Variants in RORB observed in about 807,000 individuals in gnomAD.
RORB encodes nuclear receptor ROR-beta.
In RORB, 6 loss-of-function variants were observed where a neutral mutation model predicts 59.1. That is an observed-to-expected ratio of 0.10 (90% CI 0.06 to 0.20). RORB has a LOEUF of 0.20. Among genes scored for constraint, RORB ranks in the 10% least tolerant of loss-of-function variants. The probability of loss-of-function intolerance (pLI) is 1.00; values close to 1 mark genes in which losing one functional copy is unlikely to be tolerated. For synonymous variants in RORB, 215 were observed against 204.5 expected, an observed-to-expected ratio of 1.05 and a Z score of -0.44; for missense variants, 320 against 560.5, an observed-to-expected ratio of 0.57 and a Z score of 4.33.
At chr9:74,633,238 A>C (rs1039857114) in intron 2 of RORB, among the ~76,000 whole-genome samples, 6 of 152,210 alleles carry the variant, frequency 3.9e-5, no homozygotes, top group Non-Finnish European at 5.9e-5. Context: ...CTAATTACAA[A>C]AATTTTAGGC....
intron 1 of RORB, among the ~76,000 whole-genome samples, chr9:74,579,305 A>T (rs559019218): frequency 6.6e-5 from 10 of 152,268 alleles, no homozygotes; most frequent in Admixed American, 2.0e-4. Flanking sequence ...CAATTAATTA[A>T]TTAAACACAT....
At chr9:74,637,235 C>A (rs1206869722) in intron 3 of RORB, among the ~76,000 whole-genome samples, 3 of 152,190 alleles carry the variant, frequency 2.0e-5, no homozygotes, top group Non-Finnish European at 4.4e-5. Flanking sequence ...TGCATTTGCT[C>A]TCTGTCAATT....
intron 1 of RORB, among the ~76,000 whole-genome samples, chr9:74,561,237 A>G (rs1822392969): frequency 6.6e-6 from 1 of 152,156 alleles, no homozygotes; most frequent in African/African-American, 2.4e-5. Context: ...TCATTAAATA[A>G]TCATCGCTGC....
At chr9:74,551,437 G>A (rs901823785) in intron 1 of RORB, among the ~76,000 whole-genome samples, 2 of 152,170 alleles carry the variant, frequency 1.3e-5, no homozygotes, top group African/African-American at 4.8e-5. Flanking sequence ...TAAGGGGAGG[G>A]CATCAACAGC....
intron 1 of RORB, among the ~76,000 whole-genome samples, chr9:74,607,560 A>T (rs536889019): frequency 1.3e-5 from 2 of 151,876 alleles, no homozygotes; most frequent in African/African-American, 4.8e-5. Context: ...GGAAAGATAC[A>T]TTTCATATAG....
At chr9:74,611,909 C>G (rs1013948941) in intron 1 of RORB, among the ~76,000 whole-genome samples, 5 of 152,122 alleles carry the variant, frequency 3.3e-5, no homozygotes, top group Non-Finnish European at 7.3e-5. Context: ...CTCGGCCTCC[C>G]AAAGTGCTGG....
At chr9:74,530,641 T>C (rs1243559031) in intron 1 of RORB, among the ~76,000 whole-genome samples, 4 of 151,980 alleles carry the variant, frequency 2.6e-5, no homozygotes, top group African/African-American at 7.2e-5. Flanking sequence ...ATTAAGAACA[T>C]TGATCCTTCC....
chr9:74,537,116 T>G (rs903228060), intron 1 of RORB, among the ~76,000 whole-genome samples: 2 of 152,078 alleles, frequency 1.3e-5, no homozygotes, highest in Non-Finnish European at 2.9e-5. Context: ...AGAGCCAAGC[T>G]GAAAACAGAG....
At chr9:74,574,930 T>A (rs927887134) in intron 1 of RORB, among the ~76,000 whole-genome samples, 2 of 152,076 alleles carry the variant, frequency 1.3e-5, no homozygotes, top group Non-Finnish European at 1.5e-5. Context: ...AGTGGTAAGC[T>A]AAGCGTATAT....
rs11791446 is a variant in RORB, at chr9:74,649,247, G to T, written c.637+6432G>T. 3.3e-5 allele frequency among the ~76,000 whole-genome samples: 5 copies of T among 152,150 alleles called. 1 individual carries two copies. The East Asian group carries it at 9.7e-4, about 29-fold the overall frequency. On this transcript the variant is annotated intron_variant, in intron 4 of 9. Coordinates refer to ENST00000376896, the MANE Select transcript of RORB (RefSeq NM_006914.4). ...ATTACAGGCATGAGCCACCATGCCC[G>T]GCAGAAGATATTCTTGACTACTGAG...
rs558785522 is a variant in RORB, at chr9:74,571,143, C to G, written c.8-59139C>G. ...ATCGTGTGGTTGATGCTGGTATCGA[C>G]AGCAGAGTCAGAGCATTTCCTAAAA... is the stretch of plus-strand genomic sequence containing the variant. On this transcript the variant is annotated intron_variant, in intron 1 of 9. Coordinates refer to ENST00000376896, the MANE Select transcript of RORB (RefSeq NM_006914.4). Among the ~76,000 whole-genome samples, 22 of 152,122 alleles carry G rather than the reference C, an allele frequency of 1.4e-4. No individual in the cohort carries two copies. The South Asian group carries it at 4.6e-3, about 32-fold the overall frequency.
At chr9:74,549,806 C>T (rs1029132612) in intron 1 of RORB, among the ~76,000 whole-genome samples, 13 of 151,904 alleles carry the variant, frequency 8.6e-5, no homozygotes, top group Admixed American at 5.9e-4. Flanking sequence ...GGGCTCACTG[C>T]GACCCTCCGC....
intron 1 of RORB, among the ~76,000 whole-genome samples, chr9:74,585,449 T>C (rs995411959): frequency 7.9e-5 from 12 of 152,360 alleles, no homozygotes; most frequent in Admixed American, 7.2e-4. Flanking sequence ...AGGTGTCTGC[T>C]ATCAGATTTT....
intron 1 of RORB, among the ~76,000 whole-genome samples, chr9:74,625,994 C>T (rs952100718): frequency 9.9e-5 from 15 of 152,158 alleles, no homozygotes; most frequent in African/African-American, 7.2e-5. Context: ...AACTCATTAG[C>T]TGGATTAGTT....
intron 1 of RORB, among the ~76,000 whole-genome samples, chr9:74,627,083 G>T (rs1001897434): frequency 6.6e-6 from 1 of 151,260 alleles, no homozygotes; most frequent in African/African-American, 2.4e-5. Flanking sequence ...AATCGCTTGA[G>T]CAGGGGAGGC....
intron 1 of RORB, among the ~76,000 whole-genome samples, chr9:74,501,992 C>T (rs1825810456): frequency 6.6e-6 from 1 of 152,026 alleles, no homozygotes; most frequent in Non-Finnish European, 1.5e-5. Flanking sequence ...TTAGAGAATC[C>T]CTAAGAGATG....
chr9:74,599,009 G>A (rs950904532), intron 1 of RORB, among the ~76,000 whole-genome samples: 1 of 152,172 alleles, frequency 6.6e-6, no homozygotes, highest in East Asian at 1.9e-4. Context: ...TCTCTCTCAC[G>A]ACCATGAGAA....
At chr9:74,510,427 G>T (rs1825921357) in intron 1 of RORB, among the ~76,000 whole-genome samples, 1 of 152,146 alleles carries the variant, frequency 6.6e-6, no homozygotes, top group Non-Finnish European at 1.5e-5. Context: ...CTGTTCTGCA[G>T]CTGCTCTTAA....
intron 1 of RORB, among the ~76,000 whole-genome samples, chr9:74,556,397 G>A (rs910193559): frequency 1.3e-5 from 2 of 152,124 alleles, no homozygotes; most frequent in African/African-American, 4.8e-5. Context: ...TTTAAAATGT[G>A]GCATAAATGA....
Sources: gnomAD v4.1 joint callset for allele counts (sites outside exome capture counted in the v4.1 genomes callset) on GRCh38, gnomAD v4.1.1 for gene constraint, MANE v1.5 for transcripts, NCBI Gene and HGNC (gene_info 2026-07-23, HGNC 2026-07-21) for gene names.